The following ABCC8 variants were observed in gnomAD, a reference collection of about 807,000 sequenced individuals.
The protein encoded by ABCC8 is ATP binding cassette subfamily C member 8.
In ABCC8, 137 loss-of-function variants were observed where a neutral mutation model predicts 188.0. The ratio of observed to expected loss-of-function variants is 0.73; its 90% CI spans 0.63 to 0.84. The LOEUF (loss-of-function observed/expected upper bound fraction) is 0.84. ABCC8 is among the 40% of genes least tolerant of loss of function. ABCC8 has a pLI of 0.00. For missense variants in ABCC8, 1,750 were observed against 2,072.7 expected, an observed-to-expected ratio of 0.84 and a Z score of 3.02; for synonymous variants, 797 against 846.5, an observed-to-expected ratio of 0.94 and a Z score of 1.01.
intron 38 of ABCC8, 101 bp downstream of exon 38, chr11:17,393,596 A>G: frequency 6.4e-7 from 1 of 1,557,384 alleles, no homozygotes. Context: ...TTTCTTGATT[A>G]CTGGGACCAG....
intron 7 of ABCC8, among the ~76,000 whole-genome samples, chr11:17,450,238 TTTTCTTTTTCTTTC>T (rs1208594964): frequency 2.5e-4 from 16 of 64,072 alleles, no homozygotes; most frequent in African/African-American, 1.5e-3. Flanking sequence ...AACTCCTTTC[TTTTCTTTTTCTTTC>T]TTTCTTTCTC....
intron 29 of ABCC8, among the ~76,000 whole-genome samples, chr11:17,401,241 G>C (rs1302108748): frequency 2.0e-5 from 3 of 152,210 alleles, no homozygotes; most frequent in Admixed American, 6.5e-5. Flanking sequence ...TGAAGGAACG[G>C]GAGAAGTTCA....
chr11:17,417,082 G>A (rs149957172), intron 16 of ABCC8, 120 bp from the exon 17 acceptor site: 5 of 1,563,912 alleles, frequency 3.2e-6, no homozygotes, highest in Middle Eastern at 1.7e-4. Context: ...CCATTCCCAG[G>A]GTTTCCAAAT....
At chr11:17,429,675 G>C (rs1955756313) in intron 12 of ABCC8, 2 of 152,252 alleles carry the variant, frequency 1.3e-5, no homozygotes. Flanking sequence ...TCAGGCAGGT[G>C]CAGCGTTCTT....
At chr11:17,446,653 T>C (rs1363492240) in intron 8 of ABCC8, among the ~76,000 whole-genome samples, 1 of 152,174 alleles carries the variant, frequency 6.6e-6, no homozygotes, top group African/African-American at 2.4e-5. Flanking sequence ...GTAGCTTTTA[T>C]AGTCATTGAT....
chr11:17,427,032 G>A lies in ABCC8; in HGVS notation c.2222+17C>T. 1.2e-6 allele frequency: 2 copies of A among 1,612,988 alleles called. No individual in the cohort carries two copies. The highest frequency in any genetic ancestry group is 1.1e-5 in the South Asian group (1 of 90,868). On this transcript the variant is annotated intron_variant, in intron 16 of 38. Coordinates refer to ENST00000389817, the MANE Select transcript of ABCC8 (RefSeq NM_000352.6). This position sits in a 1 kb window ranked among gnomAD's most constrained non-coding sequence, Gnocchi z 5.0. ...GGAGATTTCCCCTCCACTGGGCCCT[G>A]AGGATACATGTATTACCTGCTCCAG...
chr11:17,472,150 C>T (rs78440010), intron 2 of ABCC8, among the ~76,000 whole-genome samples: 2,066 of 152,058 alleles, frequency 0.014, 39 homozygotes, highest in African/African-American at 0.042. Context: ...TTTTATAAGA[C>T]GAAATAAGAT....
At chr11:17,445,968 T>TA (rs1956511343) in intron 8 of ABCC8, among the ~76,000 whole-genome samples, 2 of 130,426 alleles carry the variant, frequency 1.5e-5, no homozygotes, top group Admixed American at 1.5e-4. Flanking sequence ...CCTGATTTCT[T>TA]TTTTTTTTTT....
At chr11:17,451,466 G>T (rs917577389) in intron 7 of ABCC8, among the ~76,000 whole-genome samples, 8 of 152,372 alleles carry the variant, frequency 5.3e-5, no homozygotes, top group African/African-American at 1.9e-4. Context: ...CACAGGTTGT[G>T]CACTGCACAA....
At chr11:17,435,704 CA>C in intron 10 of ABCC8, 1 of 1,377,678 alleles carries the variant, frequency 7.3e-7, no homozygotes, top group Non-Finnish European at 1.0e-6. Context: ...GAGGACAGTA[CA>C]GTAAGAACCG....
At chr11:17,442,699 G>A (rs1956363568) in intron 10 of ABCC8, 21 bp downstream of exon 10, 1 of 1,610,704 alleles carries the variant, frequency 6.2e-7, no homozygotes, top group Admixed American at 1.7e-5. Flanking sequence ...ACCCAGGGCT[G>A]GCTGTGTGGG....
At position 17,393,035 on chromosome 11, in the gene ABCC8, G is replaced by A. The variant is rs1268576245; in HGVS notation, c.4702C>T (p.Arg1568Trp). Residue 1568 changes from arginine (R) to tryptophan (W), a missense_variant, in exon 39 of 39, where the codon CGG (arginine) becomes TGG (tryptophan). Coordinates refer to ENST00000389817, the MANE Select transcript of ABCC8 (RefSeq NM_000352.6). ...EFDKPEKLLS[R>W]KDSVFASFVR... ...AAGGAGGCGAAGACGCTGTCCTTCC[G>A]GCTGAGCAGCTTCTCTGGCTTATCG... 15 of 1,614,038 alleles carry A rather than the reference G, an allele frequency of 9.3e-6. No homozygotes were observed. Among genetic ancestry groups the A allele is most frequent in the South Asian group, 3.3e-5 (3 of 91,086 alleles).
intron 35 of ABCC8, 28 bp downstream of exon 35, chr11:17,395,582 G>C: frequency 1.3e-6 from 2 of 1,544,940 alleles, no homozygotes; most frequent in African/African-American, 2.7e-5. Context: ...CCTGGGGCTG[G>C]GTGGGCCTGA....
downstream of ABCC8, chr11:17,392,683 C>T: frequency 4.8e-6 from 2 of 415,988 alleles, no homozygotes; most frequent in Non-Finnish European, 9.0e-6. Context: ...GCCTCCAGAA[C>T]TGTGAGAAAA....
chr11:17,436,143 G>A, intron 10 of ABCC8: 1 of 765,166 alleles, frequency 1.3e-6, no homozygotes, highest in Non-Finnish European at 2.4e-6. Flanking sequence ...GGGCTCGGAG[G>A]CAATGACAAC....
chr11:17,409,589 G>T (rs543414162), intron 22 of ABCC8, among the ~76,000 whole-genome samples: 3 of 152,112 alleles, frequency 2.0e-5, no homozygotes, highest in African/African-American at 7.2e-5. Context: ...ACTGGAGGGG[G>T]TCTCATCATA....
At chr11:17,394,126 G>C (rs537170118) in intron 37 of ABCC8, 140 bp downstream of exon 37, 114 of 1,161,398 alleles carry the variant, frequency 9.8e-5, no homozygotes, top group Non-Finnish European at 1.3e-4. Context: ...GGTCCCCCCA[G>C]CTCTTTTCAT....
chr11:17,426,360 T>C (rs1186923650), intron 16 of ABCC8, among the ~76,000 whole-genome samples: 1 of 152,254 alleles, frequency 6.6e-6, no homozygotes, highest in Non-Finnish European at 1.5e-5. Context: ...GTTTCCTGAC[T>C]TTTTAACGAT....
chr11:17,463,379 C>G, intron 4 of ABCC8, 59 bp downstream of exon 4: 1 of 1,420,168 alleles, frequency 7.0e-7, no homozygotes, highest in Non-Finnish European at 9.7e-7. Flanking sequence ...GAACCCAGGG[C>G]AGGACAGAGG....
Sources: gnomAD v4.1 joint callset for allele counts (sites outside exome capture counted in the v4.1 genomes callset) on GRCh38, gnomAD v4.1.1 for gene constraint, Gnocchi (gnomAD v3.1) non-coding constraint, MANE v1.5 for transcripts, NCBI Gene and HGNC (gene_info 2026-07-23, HGNC 2026-07-21) for gene names.